Variants in PTTG1IP observed in about 807,000 individuals in gnomAD.
PTTG1IP encodes PTTG1 interacting protein.
PTTG1IP carries 16 observed loss-of-function variants against 24.4 expected under a neutral mutation model. The ratio of observed to expected loss-of-function variants is 0.66; its 90% CI spans 0.44 to 1.00. The LOEUF (loss-of-function observed/expected upper bound fraction) is 1.00, where lower values mean the gene tolerates loss of function less well. Ranked by LOEUF, PTTG1IP falls within the 50% of genes least tolerant of loss-of-function variation. The pLI, the probability that PTTG1IP is intolerant of heterozygous loss-of-function variation, is 0.00. For synonymous variants in PTTG1IP, 89 were observed against 96.8 expected, an observed-to-expected ratio of 0.92 and a Z score of 0.47; for missense variants, 241 against 245.8, an observed-to-expected ratio of 0.98 and a Z score of 0.13.
At chr21:44,861,671 C>T in intron 2 of PTTG1IP, 1 of 712,666 alleles carries the variant, frequency 1.4e-6, no homozygotes, top group Non-Finnish European at 2.6e-6. Context: ...ACTGGATGGG[C>T]CCTGCCTCGA....
rs188763245 is a variant in PTTG1IP, at chr21:44,857,386, C to G, written c.278-1022G>C. On this transcript the variant is annotated intron_variant, in intron 3 of 5. Transcript: ENST00000330938. ...CCTCTGGTCCCAGCGACATGGGAGG[C>G]TGAGGTGGGAGGATCGCTTGAGCTT... 9.1e-4 allele frequency among the ~76,000 whole-genome samples: 138 copies of G among 152,286 alleles called. 1 individual carries two copies. The highest frequency in any genetic ancestry group is 1.7e-3 in the Non-Finnish European group (118 of 68,026).
Position 44,865,380 on chromosome 21 carries a change from C to A in PTTG1IP, c.168+15G>T. Reference sequence around the variant, plus strand: ...TCTGGACGGCACTCTGGTCTCTAGTCCACGTGCTACTTACGGAGACGTTCT... The same window carrying A: ...TCTGGACGGCACTCTGGTCTCTAGTACACGTGCTACTTACGGAGACGTTCT... On this transcript the variant is annotated intron_variant, in intron 2 of 5. Coordinates refer to ENST00000330938, the MANE Select transcript of PTTG1IP (RefSeq NM_004339.4). 1.2e-6 allele frequency: 2 copies of A among 1,613,750 alleles called. No individual in the cohort carries two copies. Among genetic ancestry groups the A allele is most frequent in the Non-Finnish European group, 1.7e-6 (2 of 1,179,622 alleles).
At chr21:44,873,238 A>C (rs1020878292) in intron 1 of PTTG1IP, among the ~76,000 whole-genome samples, 1 of 152,200 alleles carries the variant, frequency 6.6e-6, no homozygotes, top group African/African-American at 2.4e-5. Context: ...GCCACGCGCG[A>C]GGAGCGGCCG....
chr21:44,855,118 C>T (rs1569321456), intron 5 of PTTG1IP, 92 bp downstream of exon 5: 5 of 1,331,710 alleles, frequency 3.8e-6, no homozygotes, highest in Admixed American at 1.8e-5. Flanking sequence ...GAACCCACAG[C>T]CCCATCTCAG....
chr21:44,852,383 T>C (rs1157245240), intron 5 of PTTG1IP, among the ~76,000 whole-genome samples: 2 of 152,128 alleles, frequency 1.3e-5, no homozygotes, highest in African/African-American at 2.4e-5. Flanking sequence ...GGTTTCACCA[T>C]GTTGGTCAGG....
At chr21:44,859,225 G>A (rs1249530548) in intron 3 of PTTG1IP, among the ~76,000 whole-genome samples, 2 of 152,200 alleles carry the variant, frequency 1.3e-5, no homozygotes, top group South Asian at 2.1e-4. Context: ...ACATAAAGGC[G>A]GGAACCAGTA....
In PTTG1IP at chr21:44,850,779, C is replaced by G. The variant is rs1396030106; in HGVS notation, c.*802G>C. 6.6e-6 allele frequency: 1 copy of G among 152,612 alleles called. No homozygotes were observed. Among genetic ancestry groups the G allele is most frequent in the Non-Finnish European group, 1.5e-5 (1 of 68,316 alleles). 9.5% of individuals were successfully genotyped at this position (152,612 alleles called of 1,614,324 possible). On this transcript the variant is annotated 3_prime_UTR_variant, in exon 6 of 6. Transcript: ENST00000330938. Reference sequence around the variant, plus strand: ...CCGTCCTCCCCACACCGCTGGCACACGAGCAGTCAACTGGTGCTGCTGAGG... The same window carrying G: ...CCGTCCTCCCCACACCGCTGGCACAGGAGCAGTCAACTGGTGCTGCTGAGG...
rs760037388 is a variant in PTTG1IP at position 44,851,452 on chromosome 21, T to G, written c.*129A>C. 3.1e-6 allele frequency: 5 copies of G among 1,608,930 alleles called. No homozygotes were observed. In the East Asian group the frequency reaches 1.1e-4, roughly 36 times the overall value. On this transcript the variant is annotated 3_prime_UTR_variant, in exon 6 of 6. Transcript: ENST00000330938. ...CTTCAGGGGCAGCTCTCCGGCCGCC[T>G]GTCCTGGAAGGCTGGCAGGTTCACT...
At chr21:44,854,957 C>T (rs1297040016) in intron 5 of PTTG1IP, among the ~76,000 whole-genome samples, 1 of 152,208 alleles carries the variant, frequency 6.6e-6, no homozygotes, top group Non-Finnish European at 1.5e-5. Context: ...AGTCTTGGGA[C>T]TCGATAAGCA....
chr21:44,857,627 C>T (rs554058530), intron 3 of PTTG1IP, among the ~76,000 whole-genome samples: 15 of 152,380 alleles, frequency 9.8e-5, no homozygotes, highest in African/African-American at 3.6e-4. Flanking sequence ...ACCGTCTCAC[C>T]TCCAGGGGCT....
chr21:44,865,538 G>C (rs955735003), intron 1 of PTTG1IP, 91 bp from the exon 2 acceptor site: 1 of 1,313,316 alleles, frequency 7.6e-7, no homozygotes. Context: ...CCAGTGAGGG[G>C]TGTGGCACCA....
chr21:44,866,658 AGACT>A (rs1237445008), intron 1 of PTTG1IP, among the ~76,000 whole-genome samples: 1 of 140,910 alleles, frequency 7.1e-6, no homozygotes, highest in Admixed American at 6.9e-5. Context: ...ACACACACAC[AGACT>A]GCCTACTCCA....
chr21:44,853,401 A>C (rs2083425022), intron 5 of PTTG1IP, among the ~76,000 whole-genome samples: 1 of 151,666 alleles, frequency 6.6e-6, no homozygotes, highest in Admixed American at 6.6e-5. Context: ...CCAGCTACTC[A>C]GGAGGCTGAG....
intron 4 of PTTG1IP, among the ~76,000 whole-genome samples, chr21:44,855,526 C>T (rs1400272422): frequency 1.3e-5 from 2 of 152,196 alleles, no homozygotes; most frequent in African/African-American, 2.4e-5. Context: ...ATGCCCAATA[C>T]CGTGATTTTT....
chr21:44,866,055 G>C (rs1017543163), intron 1 of PTTG1IP, among the ~76,000 whole-genome samples: 55 of 152,032 alleles, frequency 3.6e-4, no homozygotes, highest in Non-Finnish European at 7.1e-4. Context: ...AACACCCTGA[G>C]ACTCTGCCCA....
intron 1 of PTTG1IP, among the ~76,000 whole-genome samples, chr21:44,867,877 C>T (rs1601257762): frequency 6.6e-6 from 1 of 152,242 alleles, no homozygotes; most frequent in Non-Finnish European, 1.5e-5. Flanking sequence ...ACAAATAATA[C>T]ATCGAGTACA....
At chr21:44,851,877 G>A (rs1469841360) in intron 5 of PTTG1IP, among the ~76,000 whole-genome samples, 1 of 152,202 alleles carries the variant, frequency 6.6e-6, no homozygotes, top group East Asian at 1.9e-4. Flanking sequence ...ACTTCCTGAT[G>A]CTCGGCGAAG....
chr21:44,861,713 C>A (rs189762285), intron 2 of PTTG1IP: 78 of 716,416 alleles, frequency 1.1e-4, no homozygotes, highest in Admixed American at 4.2e-4. Context: ...GCCGCCTCCA[C>A]CCCCTCCTCC....
In PTTG1IP at chr21:44,873,547, G is replaced by C. The variant is rs1396290290; in HGVS notation, c.70C>G (p.Leu24Val). Residue 24 changes from leucine to valine, a missense_variant, in exon 1 of 6, where the codon CTG becomes GTG. Physicochemically the swap from Leu to Val is conservative, Grantham distance 32. Transcript: ENST00000330938. ...GCGGCGGCCACCGGGATGAGCAGCAGGAGCAGCGCGGCGCCACCGAGGCGC... is the reference window on the plus strand; with the variant it reads ...GCGGCGGCCACCGGGATGAGCAGCACGAGCAGCGCGGCGCCACCGAGGCGC... ...RLRLGGAALL[L>V]LLIPVAAAQE... 2 of 1,472,696 alleles carry C rather than the reference G, an allele frequency of 1.4e-6. No individual in the cohort carries two copies. Among genetic ancestry groups the C allele is most frequent in the Non-Finnish European group, 1.8e-6 (2 of 1,118,272 alleles). 91.2% of individuals were successfully genotyped at this position (1,472,696 alleles called of 1,614,324 possible).
Sources: allele counts gnomAD v4.1 joint callset (sites outside exome capture counted in the v4.1 genomes callset), GRCh38; gene constraint gnomAD v4.1.1; transcripts MANE v1.5; gene names NCBI Gene and HGNC (gene_info 2026-07-23, HGNC 2026-07-21).